NFYC: variants seen among roughly 807,000 people sequenced by gnomAD.
NFYC encodes the protein nuclear transcription factor Y subunit gamma.
A neutral mutation model predicts 53.1 loss-of-function variants in NFYC; 25 were observed. The ratio of observed to expected loss-of-function variants is 0.47; its 90% CI spans 0.34 to 0.66. The LOEUF is 0.66. Among genes scored for constraint, NFYC ranks in the 30% least tolerant of loss-of-function variants. The pLI, the probability that NFYC is intolerant of heterozygous loss-of-function variation, is 0.01. For missense variants in NFYC, 260 were observed against 422.7 expected, an observed-to-expected ratio of 0.62 and a Z score of 3.38; for synonymous variants, 145 against 152.6, an observed-to-expected ratio of 0.95 and a Z score of 0.37.
intron 1 of NFYC, among the ~76,000 whole-genome samples, chr1:40,721,255 A>C (rs898857204): frequency 6.6e-6 from 1 of 152,250 alleles, no homozygotes; most frequent in Non-Finnish European, 1.5e-5. Flanking sequence ...ATGCTATTGC[A>C]GAAGAGCCTT....
chr1:40,695,868 A>G (rs1482313509), intron 1 of NFYC: 2 of 152,238 alleles, frequency 1.3e-5, no homozygotes, highest in African/African-American at 4.8e-5. Context: ...ACCAGCTGGG[A>G]TATAAATGTA....
At chr1:40,692,858 G>A (rs1279148772) in intron 1 of NFYC, among the ~76,000 whole-genome samples, 1 of 152,186 alleles carries the variant, frequency 6.6e-6, no homozygotes, top group African/African-American at 2.4e-5. Flanking sequence ...TCGGACTTGG[G>A]AAGTGTATTA....
chr1:40,767,347 C>T lies in NFYC; in HGVS notation c.828+644C>T, dbSNP rs1452917940. The T allele has an allele frequency of 8.1e-5, 22 of 272,886 alleles. No homozygotes were observed. In the Admixed American group the frequency reaches 9.8e-4, roughly 12 times the overall value. 16.9% of individuals were successfully genotyped at this position (272,886 alleles called of 1,614,324 possible). ...GCAGCGATCGTTTAAGAGCTGGACCCGTCTGGCCCAGTTGCATTTCTGGTG... is the reference window on the plus strand; with the variant it reads ...GCAGCGATCGTTTAAGAGCTGGACCTGTCTGGCCCAGTTGCATTTCTGGTG... On this transcript the variant is annotated intron_variant, in intron 8 of 9. Transcript: ENST00000447388.
At chr1:40,734,342 T>C (rs1286369242) in intron 1 of NFYC, among the ~76,000 whole-genome samples, 2 of 33,572 alleles carry the variant, frequency 6.0e-5, no homozygotes, top group Non-Finnish European at 1.9e-4. Flanking sequence ...TACGGTTGCT[T>C]TATTTATTTA....
At chr1:40,720,312 C>T (rs1029751991) in intron 1 of NFYC, among the ~76,000 whole-genome samples, 1 of 152,130 alleles carries the variant, frequency 6.6e-6, no homozygotes, top group Non-Finnish European at 1.5e-5. Context: ...AATTTTCTGC[C>T]TTCCCCTGTC....
chr1:40,730,195 CTTTT>C (rs34045698), intron 1 of NFYC, among the ~76,000 whole-genome samples: 2 of 102,018 alleles, frequency 2.0e-5, no homozygotes, highest in South Asian at 3.6e-4. Flanking sequence ...TCTTTCTTTT[CTTTT>C]TTTTTTTTTT....
intron 1 of NFYC, among the ~76,000 whole-genome samples, chr1:40,722,264 T>C (rs188059395): frequency 1.3e-5 from 2 of 152,272 alleles, no homozygotes; most frequent in African/African-American, 2.4e-5. Flanking sequence ...CTATTGATCA[T>C]TGACACACCC....
chr1:40,707,027 G>A (rs913895084), intron 1 of NFYC, among the ~76,000 whole-genome samples: 1 of 151,932 alleles, frequency 6.6e-6, no homozygotes, highest in African/African-American at 2.4e-5. Context: ...AAAATTAGTC[G>A]GATGTGGTGG....
intron 1 of NFYC, among the ~76,000 whole-genome samples, chr1:40,704,036 A>G (rs879460027): frequency 4.6e-5 from 7 of 152,004 alleles, no homozygotes; most frequent in South Asian, 4.1e-4. Context: ...TAAAGCTTCA[A>G]CCGTGTAACC....
intron 1 of NFYC, among the ~76,000 whole-genome samples, chr1:40,708,055 CT>C (rs1025818446): frequency 6.6e-6 from 1 of 152,098 alleles, no homozygotes; most frequent in Non-Finnish European, 1.5e-5. Context: ...CATATGCAGA[CT>C]TTTTTTCTTG....
At chr1:40,728,828 G>T (rs1201120465) in intron 1 of NFYC, among the ~76,000 whole-genome samples, 2 of 152,028 alleles carry the variant, frequency 1.3e-5, no homozygotes, top group African/African-American at 2.4e-5. Flanking sequence ...AATGGAGACT[G>T]GGTTTCACTA....
intron 1 of NFYC, among the ~76,000 whole-genome samples, chr1:40,719,320 G>C (rs1484860167): frequency 6.6e-6 from 1 of 152,140 alleles, no homozygotes. Context: ...TCACAATGTA[G>C]CGATAGCTAT....
At chr1:40,696,106 C>G (rs1229079692) in intron 1 of NFYC, among the ~76,000 whole-genome samples, 1 of 149,622 alleles carries the variant, frequency 6.7e-6, no homozygotes, top group Non-Finnish European at 1.5e-5. Context: ...TCACTGCAAC[C>G]TCTGCCTCCC....
At chr1:40,755,843 G>A (rs976811826) in intron 5 of NFYC, among the ~76,000 whole-genome samples, 21 of 152,114 alleles carry the variant, frequency 1.4e-4, no homozygotes, top group African/African-American at 4.8e-4. Flanking sequence ...TGCTCTCACA[G>A]CTTTTGGCAA....
At chr1:40,727,466 T>TGGGA (rs1644568548) in intron 1 of NFYC, among the ~76,000 whole-genome samples, 2 of 151,864 alleles carry the variant, frequency 1.3e-5, no homozygotes, top group African/African-American at 4.8e-5. Context: ...AAAGCAGTCC[T>TGGGA]CCCGCCTTGG....
At chr1:40,767,326 C>T (rs1646868080) in intron 8 of NFYC, 3 of 294,288 alleles carry the variant, frequency 1.0e-5, no homozygotes, top group East Asian at 8.1e-5. Context: ...AAAAAAGCAG[C>T]GATCGTTTAA....
At chr1:40,748,417 A>T (rs1292426354) in intron 3 of NFYC, among the ~76,000 whole-genome samples, 2 of 152,310 alleles carry the variant, frequency 1.3e-5, no homozygotes, top group East Asian at 1.9e-4. Flanking sequence ...AGGATTAGGC[A>T]TGAGCCACCA....
chr1:40,758,112 A>G lies in NFYC; in HGVS notation c.388-9A>G, dbSNP rs780078954. 2.5e-6 allele frequency: 4 copies of G among 1,610,758 alleles called. No individual in the cohort carries two copies. In the African/African-American group the frequency reaches 4.0e-5, roughly 16 times the overall value. On this transcript the variant is annotated splice_polypyrimidine_tract_variant and intron_variant, in intron 5 of 9. Transcript: ENST00000447388. ...TTTCCTCTTACCTGCCTCTCTTTCC[A>G]CCCAACAGGAGGAGGTGCGCCAGTC...
chr1:40,711,083 C>T (rs1189429532), intron 1 of NFYC, among the ~76,000 whole-genome samples: 1 of 152,162 alleles, frequency 6.6e-6, no homozygotes, highest in African/African-American at 2.4e-5. Flanking sequence ...ATTCTAAATT[C>T]TTTTGGTATG....
Sources: gnomAD v4.1 joint callset for allele counts (sites outside exome capture counted in the v4.1 genomes callset) on GRCh38, gnomAD v4.1.1 for gene constraint, MANE v1.5 for transcripts, NCBI Gene and HGNC (gene_info 2026-07-23, HGNC 2026-07-21) for gene names.